The following GRAMD2B variants were observed in gnomAD, a reference collection of about 807,000 sequenced individuals.
The protein encoded by GRAMD2B is GRAM domain-containing protein 2B.
A neutral mutation model predicts 59.2 loss-of-function variants in GRAMD2B; 41 were observed. The observed-to-expected ratio is 0.69, with a 90% confidence interval of 0.54 to 0.90. The LOEUF (loss-of-function observed/expected upper bound fraction) is 0.90. Among genes scored for constraint, GRAMD2B ranks in the 40% least tolerant of loss-of-function variants. The probability of loss-of-function intolerance (pLI) is 0.00; values close to 1 mark genes in which losing one functional copy is unlikely to be tolerated. For missense variants in GRAMD2B, 424 were observed against 500.5 expected (o/e 0.85, Z 1.46); for synonymous variants, 161 against 182.7 (o/e 0.88, Z 0.96).
upstream of GRAMD2B, among the ~76,000 whole-genome samples, chr5:126,366,747 A>G (rs746731974): frequency 1.3e-5 from 2 of 151,550 alleles, no homozygotes; most frequent in African/African-American, 4.9e-5. Context: ...ATGTGGATAT[A>G]TTTAATTTAC....
At chr5:126,383,336 G>T (rs189791523) in intron 1 of GRAMD2B, among the ~76,000 whole-genome samples, 93 of 152,294 alleles carry the variant, frequency 6.1e-4, no homozygotes, top group African/African-American at 2.1e-3. Context: ...TGAATTGAAG[G>T]TTCTAGGAGT....
intron 1 of GRAMD2B, among the ~76,000 whole-genome samples, chr5:126,452,762 C>T (rs1276557754): frequency 6.6e-6 from 1 of 152,144 alleles, no homozygotes; most frequent in African/African-American, 2.4e-5. Flanking sequence ...AGTTCTCATC[C>T]TCACAGTTTT....
At chr5:126,466,159 T>A in intron 2 of GRAMD2B, 1 of 1,399,484 alleles carries the variant, frequency 7.1e-7, no homozygotes, top group East Asian at 2.5e-5. Context: ...TGAGTGCAGT[T>A]TATCTAAACT....
chr5:126,465,072 C>T (rs1581157926), intron 1 of GRAMD2B: 4 of 1,061,404 alleles, frequency 3.8e-6, no homozygotes, highest in Admixed American at 5.0e-5. Context: ...CACACGTGAG[C>T]GTGTGTACAT....
chr5:126,404,332 A>G (rs184693226), intron 1 of GRAMD2B, among the ~76,000 whole-genome samples: 33 of 151,988 alleles, frequency 2.2e-4, no homozygotes, highest in African/African-American at 7.9e-4. Context: ...GTCAACAGAA[A>G]TGGGAAGCTG....
intron 1 of GRAMD2B, among the ~76,000 whole-genome samples, chr5:126,382,020 C>T (rs955901158): frequency 6.6e-6 from 1 of 152,038 alleles, no homozygotes; most frequent in South Asian, 2.1e-4. Flanking sequence ...AAAGATAGGA[C>T]TCCCTTCTAC....
chr5:126,451,119 C>T (rs62391858), intron 1 of GRAMD2B, among the ~76,000 whole-genome samples: 5,459 of 152,332 alleles, frequency 0.036, 111 homozygotes, highest in Middle Eastern at 0.048. Flanking sequence ...TGAGAGCAGC[C>T]AGCGAGGCTG....
chr5:126,468,606 G>C (rs1016695920), intron 2 of GRAMD2B, among the ~76,000 whole-genome samples: 3 of 152,040 alleles, frequency 2.0e-5, no homozygotes, highest in African/African-American at 7.2e-5. Context: ...TTCTGCCTCA[G>C]CCTCCCGAGT....
intron 1 of GRAMD2B, among the ~76,000 whole-genome samples, chr5:126,396,074 T>C (rs557422241): frequency 6.6e-6 from 1 of 152,344 alleles, no homozygotes; most frequent in Admixed American, 6.5e-5. Flanking sequence ...TTTGTCATTT[T>C]TATAAAAGCC....
In GRAMD2B at chr5:126,478,692, G is replaced by T. The variant is rs140583062; in HGVS notation, c.582+905G>T. The stretch of plus-strand genomic sequence containing the variant: ...GGAGACAGAGGTTGCAGTGAGCTGA[G>T]ATCGAGCACCACTGCACTCCAGCCT... On this transcript the variant is annotated intron_variant, in intron 6 of 13. Coordinates refer to ENST00000285689, the MANE Select transcript of GRAMD2B (RefSeq NM_023927.4). Among the ~76,000 whole-genome samples, 1,184 of 149,218 alleles carry T rather than the reference G, an allele frequency of 7.9e-3. 6 individuals are homozygous for T. Among genetic ancestry groups the T allele is most frequent in the Non-Finnish European group, 0.013 (861 of 67,368 alleles).
At chr5:126,427,090 G>T (rs890551259) in intron 1 of GRAMD2B, among the ~76,000 whole-genome samples, 2 of 152,046 alleles carry the variant, frequency 1.3e-5, no homozygotes, top group Non-Finnish European at 2.9e-5. Flanking sequence ...CCTTCAAGAG[G>T]CCAGAATACC....
chr5:126,390,096 C>T (rs1189644444), intron 1 of GRAMD2B, among the ~76,000 whole-genome samples: 6 of 152,134 alleles, frequency 3.9e-5, no homozygotes, highest in Non-Finnish European at 8.8e-5. Context: ...CTTTATAGTA[C>T]ATATAAATAA....
At chr5:126,490,984 T>C (rs1247533212) in intron 13 of GRAMD2B, among the ~76,000 whole-genome samples, 1 of 152,198 alleles carries the variant, frequency 6.6e-6, no homozygotes, top group Non-Finnish European at 1.5e-5. Flanking sequence ...TTCCCACAGG[T>C]ACCATCCTAG....
At chr5:126,395,657 G>C (rs1757297027) in intron 1 of GRAMD2B, among the ~76,000 whole-genome samples, 1 of 152,226 alleles carries the variant, frequency 6.6e-6, no homozygotes, top group South Asian at 2.1e-4. Flanking sequence ...ATTTTAGAAT[G>C]CCAGAAGTTT....
intron 10 of GRAMD2B, among the ~76,000 whole-genome samples, chr5:126,484,807 C>T (rs1473338329): frequency 6.6e-6 from 1 of 152,088 alleles, no homozygotes; most frequent in Non-Finnish European, 1.5e-5. Context: ...TAGTCTCGAA[C>T]TCCTGACCTC....
At chr5:126,484,556 TAGAA>T in intron 10 of GRAMD2B, 32 bp downstream of exon 10, 3 of 1,581,148 alleles carry the variant, frequency 1.9e-6, no homozygotes, top group Non-Finnish European at 1.7e-6. Flanking sequence ...GGGGTGGGTT[TAGAA>T]GGATTGGAGA....
intron 1 of GRAMD2B, among the ~76,000 whole-genome samples, chr5:126,399,257 T>C (rs1757622391): frequency 6.6e-6 from 1 of 152,198 alleles, no homozygotes; most frequent in Non-Finnish European, 1.5e-5. Context: ...CAATATTTGC[T>C]TTATATAATA....
chr5:126,431,413 C>G (rs1404303595), intron 1 of GRAMD2B, among the ~76,000 whole-genome samples: 1 of 152,084 alleles, frequency 6.6e-6, no homozygotes, highest in African/African-American at 2.4e-5. Context: ...GTAAACAAAC[C>G]CATTAGAATA....
intron 12 of GRAMD2B, among the ~76,000 whole-genome samples, chr5:126,488,470 G>A (rs1773356850): frequency 6.6e-6 from 1 of 152,168 alleles, no homozygotes; most frequent in South Asian, 2.1e-4. Context: ...GGTGGAGACA[G>A]AAAGGATATT....
Sources: allele counts gnomAD v4.1 joint callset (sites outside exome capture counted in the v4.1 genomes callset), GRCh38; gene constraint gnomAD v4.1.1; transcripts MANE v1.5; gene names NCBI Gene and HGNC (gene_info 2026-07-23, HGNC 2026-07-21).